Variants in RALGAPA2 observed in about 807,000 individuals in gnomAD.
The protein encoded by RALGAPA2 is Ral GTPase activating protein catalytic subunit alpha 2.
Under a neutral mutation model 230.4 loss-of-function variants are expected in RALGAPA2, and 139 were observed. That is an observed-to-expected ratio of 0.60 (90% confidence interval 0.53 to 0.69). RALGAPA2 has a LOEUF of 0.69. RALGAPA2 is among the 30% of genes least tolerant of loss of function. The pLI is 0.00. For synonymous variants in RALGAPA2, 847 were observed against 837.8 expected, an observed-to-expected ratio of 1.01 and a Z score of -0.19; for missense variants, 2,163 against 2,276.0, an observed-to-expected ratio of 0.95 and a Z score of 1.01.
chr20:20,681,197 T>TC (rs2068508222), intron 1 of RALGAPA2, among the ~76,000 whole-genome samples: 1 of 152,148 alleles, frequency 6.6e-6, no homozygotes, highest in Admixed American at 6.5e-5. Context: ...GATGGGTTTG[T>TC]ACCTCTGAAA....
chr20:20,505,551 T>G lies in RALGAPA2; in HGVS notation c.4929-17A>C. On this transcript the variant is annotated splice_polypyrimidine_tract_variant and intron_variant, in intron 33 of 39. Coordinates refer to ENST00000202677, the MANE Select transcript of RALGAPA2 (RefSeq NM_020343.4). ...GTCTCACGGCTATAAATTTTTAAAT[T>G]TAAAGGAGTTAGAATTCTTATATGT... 6.5e-7 allele frequency: 1 copy of G among 1,539,232 alleles called. No individual in the cohort carries two copies. Among genetic ancestry groups the G allele is most frequent in the Non-Finnish European group, 8.7e-7 (1 of 1,145,384 alleles).
chr20:20,511,519 C>T (rs144011344), intron 32 of RALGAPA2, among the ~76,000 whole-genome samples, 194 bp from the exon 33 acceptor site: 1 of 152,330 alleles, frequency 6.6e-6, no homozygotes, highest in Non-Finnish European at 1.5e-5. Context: ...CCATCAGCAT[C>T]CCATTACTAC....
intron 37 of RALGAPA2, among the ~76,000 whole-genome samples, chr20:20,463,534 AT>A (rs374615927): frequency 0.018 from 2,791 of 152,268 alleles, 90 homozygotes; most frequent in African/African-American, 0.064. Context: ...TTAAATTATG[AT>A]TTTTATTAGG....
intron 22 of RALGAPA2, 60 bp from the exon 23 acceptor site, chr20:20,571,673 T>G (rs1356656909): frequency 6.5e-7 from 1 of 1,546,934 alleles, no homozygotes; most frequent in African/African-American, 1.4e-5. Context: ...ATTTCAACAT[T>G]TCATTTACTT....
At chr20:20,705,398 G>A (rs1366979239) in intron 1 of RALGAPA2, among the ~76,000 whole-genome samples, 2 of 151,852 alleles carry the variant, frequency 1.3e-5, no homozygotes, top group Non-Finnish European at 2.9e-5. Context: ...TGTAGAGAAG[G>A]GGTCTCACTA....
intron 16 of RALGAPA2, among the ~76,000 whole-genome samples, chr20:20,596,690 C>T (rs1031619696): frequency 6.6e-6 from 1 of 152,232 alleles, no homozygotes; most frequent in Non-Finnish European, 1.5e-5. Flanking sequence ...AGTTCTTTCA[C>T]CCTTTGTGCT....
chr20:20,557,043 C>T (rs2145804152), intron 23 of RALGAPA2, among the ~76,000 whole-genome samples: 1 of 152,282 alleles, frequency 6.6e-6, no homozygotes, highest in African/African-American at 2.4e-5. Context: ...AGCGTGATGG[C>T]TTATGCCTGT....
At chr20:20,612,607 G>A (rs2066008759) in intron 13 of RALGAPA2, among the ~76,000 whole-genome samples, 1 of 152,134 alleles carries the variant, frequency 6.6e-6, no homozygotes, top group Non-Finnish European at 1.5e-5. Context: ...GTCATCTGTT[G>A]TTATACATTC....
intron 35 of RALGAPA2, among the ~76,000 whole-genome samples, chr20:20,496,156 T>C (rs761755460): frequency 1.3e-5 from 2 of 149,536 alleles, no homozygotes; most frequent in East Asian, 3.9e-4. Context: ...ACTTGTTTTA[T>C]CATCTTATAC....
Position 20,437,329 on chromosome 20 carries a change from C to A in RALGAPA2, c.5496-25181G>T, listed in dbSNP as rs144952077. ...TCCCCATCAATCCAGAACCTGACCACTTGTCACCACCACACGCCACCATCC... is the reference window on the plus strand; with the variant it reads ...TCCCCATCAATCCAGAACCTGACCAATTGTCACCACCACACGCCACCATCC... On this transcript the variant is annotated intron_variant, in intron 37 of 39. Transcript: ENST00000202677. This position sits in a 1 kb window ranked among gnomAD's most constrained non-coding sequence, Gnocchi z 4.1. Among the ~76,000 whole-genome samples the A allele has an allele frequency of 5.1e-3, 769 of 152,246 alleles. 7 individuals are homozygous for A. The highest frequency in any genetic ancestry group is 8.4e-3 in the Non-Finnish European group (571 of 68,010).
At chr20:20,406,219 A>C (rs1322566325) in intron 38 of RALGAPA2, among the ~76,000 whole-genome samples, 1 of 152,102 alleles carries the variant, frequency 6.6e-6, no homozygotes, top group Non-Finnish European at 1.5e-5. Flanking sequence ...CAGACCAATA[A>C]ATCCGAATCT....
chr20:20,468,188 T>A (rs1353272859), intron 37 of RALGAPA2, among the ~76,000 whole-genome samples: 3 of 152,236 alleles, frequency 2.0e-5, no homozygotes, highest in Non-Finnish European at 4.4e-5. Context: ...GAGATGAGAT[T>A]GTCTGCCAGC....
chr20:20,399,330 C>A (rs1354774537), intron 38 of RALGAPA2, among the ~76,000 whole-genome samples: 12 of 109,054 alleles, frequency 1.1e-4, no homozygotes, highest in Non-Finnish European at 5.5e-5. Context: ...GGCAATAGAG[C>A]GAAACTCCGT....
At chr20:20,605,093 G>C (rs148796731) in intron 15 of RALGAPA2, 82 bp downstream of exon 15, 1 of 1,158,052 alleles carries the variant, frequency 8.6e-7, no homozygotes, top group African/African-American at 1.5e-5. Context: ...ATAAAATTTC[G>C]CGCATTAATT....
chr20:20,576,826 T>C (rs2145965751), intron 20 of RALGAPA2, among the ~76,000 whole-genome samples: 2 of 152,286 alleles, frequency 1.3e-5, no homozygotes, highest in African/African-American at 2.4e-5. Flanking sequence ...ATTGGTTTCG[T>C]AGTTGTTCCC....
At chr20:20,439,657 G>A (rs965999327) in intron 37 of RALGAPA2, among the ~76,000 whole-genome samples, 6 of 152,274 alleles carry the variant, frequency 3.9e-5, no homozygotes, top group South Asian at 2.1e-4. Flanking sequence ...GTGAAAAGCC[G>A]CAGGCAACAG....
chr20:20,636,758 C>T (rs1048720255), intron 8 of RALGAPA2, among the ~76,000 whole-genome samples: 1 of 152,078 alleles, frequency 6.6e-6, no homozygotes, highest in African/African-American at 2.4e-5. Context: ...CCACCTTTAC[C>T]ACTCTAAGGG....
At chr20:20,647,827 C>T (rs1381782007) in intron 4 of RALGAPA2, among the ~76,000 whole-genome samples, 1 of 151,882 alleles carries the variant, frequency 6.6e-6, no homozygotes, top group Admixed American at 6.6e-5. Flanking sequence ...CAATGAGATA[C>T]CACTATCACT....
chr20:20,645,367 G>A (rs1353901850), intron 4 of RALGAPA2, among the ~76,000 whole-genome samples: 1 of 151,930 alleles, frequency 6.6e-6, no homozygotes. Flanking sequence ...ACCCGCCTCG[G>A]CCTCCCAAAG....
Sources: gnomAD v4.1 joint callset for allele counts (sites outside exome capture counted in the v4.1 genomes callset) on GRCh38, gnomAD v4.1.1 for gene constraint, Gnocchi (gnomAD v3.1) non-coding constraint, MANE v1.5 for transcripts, NCBI Gene and HGNC (gene_info 2026-07-23, HGNC 2026-07-21) for gene names.